Variants in MBD1 observed in about 807,000 individuals in gnomAD.
The protein encoded by MBD1 is methyl-CpG-binding domain protein 1.
MBD1 carries 25 observed loss-of-function variants against 82.6 expected under a neutral mutation model. The ratio of observed to expected loss-of-function variants is 0.30; its 90% CI spans 0.22 to 0.42. The LOEUF (loss-of-function observed/expected upper bound fraction) is 0.42, where lower values mean the gene tolerates loss of function less well. Ranked by LOEUF, MBD1 falls within the 10% of genes least tolerant of loss-of-function variation. The pLI is 1.00. For missense variants in MBD1, 627 were observed against 819.6 expected, an observed-to-expected ratio of 0.76 and a Z score of 2.87; for synonymous variants, 301 against 303.7, an observed-to-expected ratio of 0.99 and a Z score of 0.09.
intron 9 of MBD1, 28 bp from the exon 10 acceptor site, chr18:50,275,073 G>A: frequency 6.2e-7 from 1 of 1,613,614 alleles, no homozygotes; most frequent in East Asian, 2.2e-5. Flanking sequence ...GTGGGGTCAG[G>A]GCAGGTACTG....
At chr18:50,280,243 C>T (rs2039683044) in intron 1 of MBD1, among the ~76,000 whole-genome samples, 2 of 152,100 alleles carry the variant, frequency 1.3e-5, no homozygotes, top group African/African-American at 2.4e-5. Flanking sequence ...ATCCCTGTTT[C>T]TTATTCTCAG....
chr18:50,270,622 T>C (rs1362318399), intron 16 of MBD1: 5 of 320,956 alleles, frequency 1.6e-5, no homozygotes, highest in Non-Finnish European at 3.1e-5. Flanking sequence ...TGGGGAGATA[T>C]ATCCTGTAGG....
In MBD1 at chr18:50,279,769, G is replaced by T. The variant is rs2039496722; in HGVS notation, c.110+114C>A. On this transcript the variant is annotated intron_variant, in intron 2 of 16. Transcript: ENST00000269468. ...TTCAAACATAAAATCCGCTAATAAG[G>T]ATTAACTGTATGTGCATAATTTAAA... The T allele has an allele frequency of 7.9e-6, 11 of 1,391,010 alleles. 1 individual carries two copies. The highest frequency in any genetic ancestry group is 1.1e-5 in the Non-Finnish European group (11 of 1,002,384). 86.2% of individuals were successfully genotyped at this position (1,391,010 alleles called of 1,614,324 possible).
In MBD1 at chr18:50,269,347, G is replaced by A. The variant is rs2034519368; in HGVS notation, c.*504C>T. The stretch of plus-strand genomic sequence containing the variant: ...GGGTGGCTTTGTAATGTGTCACCTT[G>A]GTGAGGCTATGTTTCCCGGAACTCT... On this transcript the variant is annotated 3_prime_UTR_variant, in exon 17 of 17. Coordinates refer to ENST00000269468, the MANE Select transcript of MBD1 (RefSeq NM_015846.4). The A allele has an allele frequency of 7.6e-7, 1 of 1,321,298 alleles. No individual in the cohort carries two copies. Among genetic ancestry groups the A allele is most frequent in the South Asian group, 1.5e-5 (1 of 65,020 alleles). The allele number at this position is 1,321,298 out of a possible 1,614,324, so 81.8% of individuals were successfully genotyped here. A position where few individuals can be genotyped will look rare whatever the true frequency, so the allele number is the denominator to read the frequency against.
At chr18:50,271,413 G>A in intron 16 of MBD1, 56 bp downstream of exon 16, 1 of 1,613,388 alleles carries the variant, frequency 6.2e-7, no homozygotes, top group Admixed American at 1.7e-5. Context: ...CCAATCTAGG[G>A]TCCAGCCCCT....
In MBD1 at chr18:50,281,373, C is replaced by A. The variant is rs911957171; in HGVS notation, c.-36G>T. 1.3e-5 allele frequency: 10 copies of A among 761,900 alleles called. No individual in the cohort carries two copies. Among genetic ancestry groups the A allele is most frequent in the Non-Finnish European group, 2.2e-5 (10 of 453,634 alleles). 47.2% of individuals were successfully genotyped at this position (761,900 alleles called of 1,614,324 possible). On this transcript the variant is annotated 5_prime_UTR_variant, in exon 1 of 17. Transcript: ENST00000269468. Reference sequence around the variant, plus strand: ...CCAAGGCTGTCTCACCAGTTTGGCACCAGGCCGGTATCTTCCGCCACTCTA... The same window carrying A: ...CCAAGGCTGTCTCACCAGTTTGGCAACAGGCCGGTATCTTCCGCCACTCTA...
intron 10 of MBD1, among the ~76,000 whole-genome samples, chr18:50,274,696 G>A (rs1411969633): frequency 6.6e-6 from 1 of 152,068 alleles, no homozygotes; most frequent in African/African-American, 2.4e-5. Flanking sequence ...TCCCATCACT[G>A]TGCCTACTCT....
At position 50,280,025 on chromosome 18, in the gene MBD1, G is replaced by C; in HGVS notation, c.-25-8C>G. 6.3e-7 allele frequency: 1 copy of C among 1,597,218 alleles called. No individual in the cohort carries two copies. Among genetic ancestry groups the C allele is most frequent in the Non-Finnish European group, 8.5e-7 (1 of 1,177,480 alleles). ...ACAGGAAGCAGCAGTAGCCTGAAAG[G>C]GGGTGGAAGGGATGAGGGAAACTGA... On this transcript the variant is annotated splice_polypyrimidine_tract_variant and splice_region_variant and intron_variant, in intron 1 of 16. Coordinates refer to ENST00000269468, the MANE Select transcript of MBD1 (RefSeq NM_015846.4).
downstream of MBD1, chr18:50,267,568 G>A: frequency 2.7e-6 from 4 of 1,477,484 alleles, no homozygotes; most frequent in South Asian, 1.2e-5. Context: ...TCAGGATCCA[G>A]GCAGAACAGG....
chr18:50,275,838 T>C lies in MBD1; in HGVS notation c.660A>G (p.Glu220=), dbSNP rs1202869157. The stretch of plus-strand genomic sequence containing the variant: ...TCTTTCCACTTGCCCAACTCACCCT[T>C]TCCACAATCCGGAGGCAGCGTCTCC... ...CERRRCLRIV[E]RSRGCGVCRG... The change falls in exon 7 of 17, where the codon GAA becomes GAG. Residue 220 remains glutamate (E), a synonymous_variant. Coordinates refer to ENST00000269468, the MANE Select transcript of MBD1 (RefSeq NM_015846.4). The C allele has an allele frequency of 6.2e-7, 1 of 1,614,208 alleles. No individual in the cohort carries two copies. The highest frequency in any genetic ancestry group is 1.1e-5 in the South Asian group (1 of 91,084).
rs1161565042 is a variant in MBD1, at chr18:50,279,993, G to C, written c.-1C>G. 1 of 1,607,520 alleles carries C rather than the reference G, an allele frequency of 6.2e-7. No individual in the cohort carries two copies. Among genetic ancestry groups the C allele is most frequent in the South Asian group, 1.1e-5 (1 of 91,058 alleles). ...GGCAGTCCAGCCAGTCCTCAGCCAT[G>C]GAGGCCACAGGAAGCAGCAGTAGCC... On this transcript the variant is annotated 5_prime_UTR_variant, in exon 2 of 17. Coordinates refer to ENST00000269468, the MANE Select transcript of MBD1 (RefSeq NM_015846.4).
At chr18:50,268,553 G>C (rs1305390759), downstream of MBD1, among the ~76,000 whole-genome samples, 1 of 152,262 alleles carries the variant, frequency 6.6e-6, no homozygotes, top group African/African-American at 2.4e-5. Context: ...TGGGTGACGA[G>C]CGGTGCCTCC....
intron 1 of MBD1, 121 bp downstream of exon 1, chr18:50,281,242 G>C: frequency 6.5e-7 from 1 of 1,531,852 alleles, no homozygotes; most frequent in East Asian, 2.5e-5. Context: ...TTCCGACGCC[G>C]CCATTCCTCC....
intron 16 of MBD1, chr18:50,270,270 G>A: frequency 1.0e-6 from 1 of 977,018 alleles, no homozygotes; most frequent in Non-Finnish European, 1.6e-6. Flanking sequence ...AGGCAAGGGA[G>A]GCACACAGGA....
chr18:50,275,606 G>A lies in MBD1; in HGVS notation c.786C>T (p.Cys262=). The A allele has an allele frequency of 1.9e-6, 3 of 1,614,144 alleles. No homozygotes were observed. The South Asian group carries it at 3.3e-5, about 18-fold the overall frequency. The part of the protein sequence containing the change: ...RRQWKCVQRR[C]LRGKHARRKG... ...TCCCTCCAGCCCAACTCACCCGTAG[G>A]CAACGTCGCTGGACACATTTCCACT... The change falls in exon 8 of 17, where the codon TGC becomes TGT. Residue 262 remains cysteine (C), a synonymous_variant. Transcript: ENST00000269468.
rs538519609 is a variant in MBD1 at position 50,274,796 on chromosome 18, A to G, written c.978+181T>C. On this transcript the variant is annotated intron_variant, in intron 10 of 16. Transcript: ENST00000269468. ...CTACCAGAGTGTTGGTATATGTGAC[A>G]TGAAGCACTCTCATGCACCTGCTGA... Among the ~76,000 whole-genome samples the G allele has an allele frequency of 5.3e-5, 8 of 152,338 alleles. No homozygotes were observed. In the East Asian group the frequency reaches 1.3e-3, roughly 26 times the overall value.
In MBD1 at chr18:50,271,829, G is replaced by A. The variant is rs370371071; in HGVS notation, c.1779-289C>T. On this transcript the variant is annotated intron_variant, in intron 15 of 16. Coordinates refer to ENST00000269468, the MANE Select transcript of MBD1 (RefSeq NM_015846.4). Reference sequence around the variant, plus strand: ...GAACTCAATCAATACTTCTGTAATTGGCCAAGTATAGATGAAAGGGTTTCT... The same window carrying A: ...GAACTCAATCAATACTTCTGTAATTAGCCAAGTATAGATGAAAGGGTTTCT... 5.9e-5 allele frequency among the ~76,000 whole-genome samples: 9 copies of A among 152,238 alleles called. No individual in the cohort carries two copies. The East Asian group carries it at 1.5e-3, about 26-fold the overall frequency.
intron 13 of MBD1, 75 bp downstream of exon 13, chr18:50,273,259 C>A: frequency 6.3e-7 from 1 of 1,583,400 alleles, no homozygotes; most frequent in African/African-American, 1.3e-5. Context: ...TCAAGAGAAC[C>A]ATCATGGCTC....
intron 10 of MBD1, among the ~76,000 whole-genome samples, 163 bp from the exon 11 acceptor site, chr18:50,274,516 C>T (rs528078072): frequency 2.0e-5 from 3 of 152,292 alleles, no homozygotes; most frequent in South Asian, 4.1e-4. Context: ...CCTCAGCATT[C>T]GCTAGTTCAA....
Sources: gnomAD v4.1 joint callset for allele counts (sites outside exome capture counted in the v4.1 genomes callset) on GRCh38, gnomAD v4.1.1 for gene constraint, MANE v1.5 for transcripts, NCBI Gene and HGNC (gene_info 2026-07-23, HGNC 2026-07-21) for gene names.